LNPK: variants seen among roughly 807,000 people sequenced by gnomAD.
LNPK encodes endoplasmic reticulum junction formation protein lunapark.
In LNPK, 29 loss-of-function variants were observed where a neutral mutation model predicts 55.2. The observed-to-expected ratio is 0.53, with a 90% CI of 0.39 to 0.72. LNPK has a LOEUF of 0.72. Among genes scored for constraint, LNPK ranks in the 30% least tolerant of loss-of-function variants. The pLI is 0.00. For synonymous variants in LNPK, 162 were observed against 168.2 expected (o/e 0.96, Z 0.29); for missense variants, 467 against 494.8 (o/e 0.94, Z 0.53).
At chr2:175,981,164 A>G (rs1687158391) in intron 4 of LNPK, among the ~76,000 whole-genome samples, 1 of 152,182 alleles carries the variant, frequency 6.6e-6, no homozygotes, top group East Asian at 1.9e-4. Flanking sequence ...CTGTGCCACC[A>G]ACAGCATGGC....
intron 10 of LNPK, among the ~76,000 whole-genome samples, chr2:175,939,044 C>T (rs891462987): frequency 1.1e-4 from 16 of 151,982 alleles, no homozygotes; most frequent in Middle Eastern, 3.4e-3. Context: ...TAATTAGGAG[C>T]GCTGTCAAAC....
intron 9 of LNPK, among the ~76,000 whole-genome samples, chr2:175,943,685 T>A (rs531515492): frequency 2.0e-5 from 3 of 152,004 alleles, no homozygotes; most frequent in African/African-American, 7.2e-5. Context: ...AACATCTCAA[T>A]AGATGTAGAA....
chr2:175,971,865 T>C (rs1234570879), intron 5 of LNPK, among the ~76,000 whole-genome samples: 2 of 152,140 alleles, frequency 1.3e-5, no homozygotes, highest in Non-Finnish European at 2.9e-5. Flanking sequence ...ACTTATTCTG[T>C]AAAGGAAAAA....
chr2:175,975,009 TA>T (rs987394358), intron 5 of LNPK, among the ~76,000 whole-genome samples: 3 of 119,452 alleles, frequency 2.5e-5, no homozygotes, highest in South Asian at 3.4e-4. Context: ...AAAGGTTTCT[TA>T]TTTTTTTTTT....
At chr2:175,984,796 A>G (rs947203924) in intron 4 of LNPK, among the ~76,000 whole-genome samples, 5 of 152,212 alleles carry the variant, frequency 3.3e-5, no homozygotes, top group African/African-American at 1.2e-4. Context: ...CTCTGAAAAA[A>G]AGTTTAGCAA....
rs183424338 is a variant in LNPK at position 175,933,922 on chromosome 2, G to A, written c.1054+3422C>T. 5.3e-5 allele frequency among the ~76,000 whole-genome samples: 8 copies of A among 152,120 alleles called. No individual in the cohort carries two copies. In the East Asian group the frequency reaches 7.7e-4, roughly 15 times the overall value. ...CATTTTTGTATTTTTCAGTAGAGAC[G>A]AGGTCTCACAATATCGGCCAGGCTG... On this transcript the variant is annotated intron_variant, in intron 12 of 12. Transcript: ENST00000272748.
At chr2:175,967,353 G>A (rs375532998) in intron 6 of LNPK, among the ~76,000 whole-genome samples, 1 of 151,804 alleles carries the variant, frequency 6.6e-6, no homozygotes, top group Non-Finnish European at 1.5e-5. Flanking sequence ...ATTTCTACTG[G>A]ATACAGCCAT....
rs1354616419 is a variant in LNPK at position 176,002,182 on chromosome 2, G to T, written c.-85C>A. 2.2e-6 allele frequency: 1 copy of T among 445,650 alleles called. No individual in the cohort carries two copies. The highest frequency in any genetic ancestry group is 1.6e-5 in the South Asian group (1 of 63,396). The allele number at this position is 445,650 out of a possible 1,614,324, so 27.6% of individuals were successfully genotyped here. On this transcript the variant is annotated 5_prime_UTR_variant, in exon 1 of 13. Transcript: ENST00000272748. ...TACCTGCAAGAAGCGGGCGCAGCCCGGCCCGGGCGTCCACCCCCGCCAGTC... is the reference window on the plus strand; with the variant it reads ...TACCTGCAAGAAGCGGGCGCAGCCCTGCCCGGGCGTCCACCCCCGCCAGTC...
intron 12 of LNPK, chr2:175,935,645 G>A (rs967410331): frequency 2.2e-5 from 5 of 228,606 alleles, no homozygotes; most frequent in African/African-American, 4.7e-5. Context: ...TGTTGCTTCA[G>A]TTTTTAGCAT....
At chr2:175,992,198 G>C (rs777727610) in intron 4 of LNPK, 33 bp downstream of exon 4, 2 of 1,420,534 alleles carry the variant, frequency 1.4e-6, no homozygotes, top group South Asian at 2.7e-5. Flanking sequence ...AGTCAGAAAA[G>C]GAAAAGATCA....
intron 8 of LNPK, among the ~76,000 whole-genome samples, chr2:175,959,246 A>G (rs1685876604): frequency 6.6e-6 from 1 of 152,264 alleles, no homozygotes; most frequent in African/African-American, 2.4e-5. Context: ...GACAAGAGCA[A>G]CCCCAAGACA....
At chr2:175,964,280 A>G in intron 8 of LNPK, 92 bp downstream of exon 8, 2 of 926,654 alleles carry the variant, frequency 2.2e-6, no homozygotes, top group Non-Finnish European at 3.4e-6. Flanking sequence ...CATTCTACAT[A>G]AGTTTTTGCA....
At chr2:175,950,886 A>G (rs1024690471) in intron 8 of LNPK, among the ~76,000 whole-genome samples, 1 of 152,196 alleles carries the variant, frequency 6.6e-6, no homozygotes, top group Non-Finnish European at 1.5e-5. Flanking sequence ...ATTATAAATC[A>G]AAAACTAAGC....
intron 9 of LNPK, among the ~76,000 whole-genome samples, chr2:175,942,291 T>C (rs1209229044): frequency 1.3e-5 from 2 of 152,218 alleles, no homozygotes; most frequent in Non-Finnish European, 1.5e-5. Flanking sequence ...ATAGATTATA[T>C]GCAAATACTA....
chr2:175,980,014 G>T, intron 4 of LNPK, 146 bp from the exon 5 acceptor site: 2 of 707,798 alleles, frequency 2.8e-6, no homozygotes, highest in Non-Finnish European at 4.3e-6. Flanking sequence ...GTTTATTTCT[G>T]CCAGAGAACA....
At chr2:175,931,842 C>G (rs1684292561) in intron 12 of LNPK, among the ~76,000 whole-genome samples, 1 of 152,148 alleles carries the variant, frequency 6.6e-6, no homozygotes, top group Non-Finnish European at 1.5e-5. Context: ...ATTTCTGCTA[C>G]AAGGGCAAAC....
At chr2:175,997,895 C>A (rs1452308296) in intron 1 of LNPK, among the ~76,000 whole-genome samples, 1 of 150,738 alleles carries the variant, frequency 6.6e-6, no homozygotes, top group Non-Finnish European at 1.5e-5. Flanking sequence ...TGGGCCACCA[C>A]ACCCGGCTAA....
chr2:175,943,245 G>GAAAAA (rs561523124), intron 9 of LNPK, among the ~76,000 whole-genome samples: 64 of 127,190 alleles, frequency 5.0e-4, no homozygotes, highest in Admixed American at 7.0e-4. Flanking sequence ...TCTCTCAGAA[G>GAAAAA]AAAAAAAAAA....
chr2:175,975,897 C>G (rs1388839128), intron 5 of LNPK, among the ~76,000 whole-genome samples: 3 of 152,146 alleles, frequency 2.0e-5, no homozygotes, highest in African/African-American at 7.2e-5. Context: ...CCTGTAATCC[C>G]AGCTACTTGG....
Sources: gnomAD v4.1 joint callset for allele counts (sites outside exome capture counted in the v4.1 genomes callset) on GRCh38, gnomAD v4.1.1 for gene constraint, MANE v1.5 for transcripts, NCBI Gene and HGNC (gene_info 2026-07-23, HGNC 2026-07-21) for gene names.